PCDHGA5: variants seen among roughly 807,000 people sequenced by gnomAD.
The protein encoded by PCDHGA5 is protocadherin gamma-A5.
PCDHGA5 carries 36 observed loss-of-function variants against 56.7 expected under a neutral mutation model. That is an observed-to-expected ratio of 0.64 (90% confidence interval 0.49 to 0.84). The LOEUF (loss-of-function observed/expected upper bound fraction) is 0.84, where lower values mean the gene tolerates loss of function less well. PCDHGA5 is among the 40% of genes least tolerant of loss of function. PCDHGA5 has a pLI of 0.00. For synonymous variants in PCDHGA5, 563 were observed against 520.2 expected (o/e 1.08, Z -1.12); for missense variants, 1,305 against 1,201.5 (o/e 1.09, Z -1.27).
At chr5:141,413,623 G>A (rs1454358985) in intron 1 of PCDHGA5, 2 of 1,613,752 alleles carry the variant, frequency 1.2e-6, no homozygotes, top group African/African-American at 1.3e-5. Flanking sequence ...TAATGAAAAT[G>A]TCGCTGCGGG....
Position 141,490,225 on chromosome 5 carries a change from G to A in PCDHGA5, c.2422-4582G>A, listed in dbSNP as rs2099697468. On this transcript the variant is annotated intron_variant, in intron 1 of 3. Coordinates refer to ENST00000518069, the MANE Select transcript of PCDHGA5 (RefSeq NM_018918.3). This position sits in a 1 kb window ranked among gnomAD's most constrained non-coding sequence, Gnocchi z 5.4. The stretch of plus-strand genomic sequence containing the variant: ...AAGAGCCCGTGACCAGGGACAGCCT[G>A]CCATGGAGGGCCACTGTGTGATTCA... The A allele has an allele frequency of 6.2e-7, 1 of 1,614,112 alleles. No homozygotes were observed. The highest frequency in any genetic ancestry group is 1.1e-5 in the South Asian group (1 of 91,090).
intron 1 of PCDHGA5, among the ~76,000 whole-genome samples, chr5:141,446,868 C>T (rs980547855): frequency 6.6e-6 from 1 of 152,160 alleles, no homozygotes; most frequent in Non-Finnish European, 1.5e-5. Flanking sequence ...TAGCTCTACA[C>T]TGGTATGTTT....
chr5:141,389,721 G>C (rs1477842058), intron 1 of PCDHGA5: 7 of 1,612,620 alleles, frequency 4.3e-6, no homozygotes, highest in Non-Finnish European at 5.1e-6. Context: ...TAGCGAGCCC[G>C]GGCTCTTCAG....
chr5:141,374,884 C>T (rs1770914347), intron 1 of PCDHGA5: 1 of 1,613,714 alleles, frequency 6.2e-7, no homozygotes, highest in African/African-American at 1.3e-5. Context: ...TGACTGCCAC[C>T]GACCAGGATG....
Position 141,501,330 on chromosome 5 carries a change from CA to C in PCDHGA5, c.2481-4062del, listed in dbSNP as rs1562200936. 1.8e-3 allele frequency among the ~76,000 whole-genome samples: 266 copies of C among 151,500 alleles called. 1 individual carries two copies. Among genetic ancestry groups the C allele is most frequent in the African/African-American group, 5.1e-3 (210 of 41,250 alleles). On this transcript the variant is annotated intron_variant, in intron 2 of 3. Transcript: ENST00000518069. ...ACACACACACACACACACACACACACACACCCCAAACTCAATAGGGCAAGAA... is the reference window on the plus strand; with the variant it reads ...ACACACACACACACACACACACACACCACCCCAAACTCAATAGGGCAAGAA...
chr5:141,364,982 G>A lies in PCDHGA5; in HGVS notation c.652G>A (p.Gly218Arg), dbSNP rs745559474. ...CCTCCTCCTCACAGCTTTAGATGGC[G>A]GAGACCCGGTACTCTCCGGCACCAC... ...HDLLLTALDGGDPVLSGTTHI... is the reference protein window; with the variant it reads ...HDLLLTALDGRDPVLSGTTHI... The change falls in exon 1 of 4, where the codon GGA (glycine) becomes AGA (arginine). Residue 218 changes from glycine to arginine, a missense_variant. Transcript: ENST00000518069. 6.2e-7 allele frequency: 1 copy of A among 1,613,868 alleles called. No individual in the cohort carries two copies. The highest frequency in any genetic ancestry group is 1.1e-5 in the South Asian group (1 of 91,080).
At chr5:141,465,186 G>T (rs2099098546) in intron 1 of PCDHGA5, among the ~76,000 whole-genome samples, 1 of 151,852 alleles carries the variant, frequency 6.6e-6, no homozygotes, top group African/African-American at 2.4e-5. Flanking sequence ...TTAATTAAAA[G>T]ATAAAAATAA....
At position 141,491,692 on chromosome 5, in the gene PCDHGA5, C is replaced by A. The variant is rs749349869; in HGVS notation, c.2422-3115C>A. The A allele has an allele frequency of 6.2e-7, 1 of 1,612,592 alleles. No homozygotes were observed. Among genetic ancestry groups the A allele is most frequent in the Non-Finnish European group, 8.5e-7 (1 of 1,179,338 alleles). On this transcript the variant is annotated intron_variant, in intron 1 of 3. Coordinates refer to ENST00000518069, the MANE Select transcript of PCDHGA5 (RefSeq NM_018918.3). This position sits in a 1 kb window ranked among gnomAD's most constrained non-coding sequence, Gnocchi z 6.9. ...GTCCCGCTCTAATACGCTGCGGGAG[C>A]GGAGCCAGGTGAGGGGCTCGGCGCC...
chr5:141,402,110 T>G (rs900421956), intron 1 of PCDHGA5, among the ~76,000 whole-genome samples: 1 of 152,150 alleles, frequency 6.6e-6, no homozygotes, highest in Admixed American at 6.5e-5. Context: ...ATTACAAAAA[T>G]GTGAAAATTT....
intron 1 of PCDHGA5, chr5:141,373,906 A>G: frequency 1.7e-6 from 1 of 604,222 alleles, no homozygotes; most frequent in Admixed American, 3.7e-5. Context: ...ACATCCTCCA[A>G]CAACAAAGCA....
chr5:141,409,844 C>G (rs1380163040), intron 1 of PCDHGA5: 3 of 1,611,858 alleles, frequency 1.9e-6, no homozygotes, highest in East Asian at 4.5e-5. Flanking sequence ...CAACGTGAGC[C>G]TGCGCGTGTT....
Position 141,365,445 on chromosome 5 carries a change from A to G in PCDHGA5, c.1115A>G (p.His372Arg), listed in dbSNP as rs774993961. The change falls in exon 1 of 4, where the codon CAT becomes CGT. Residue 372 changes from histidine (H) to arginine (R), a missense_variant. By Grantham distance (29) the His-to-Arg change is conservative (BLOSUM62 0). Coordinates refer to ENST00000518069, the MANE Select transcript of PCDHGA5 (RefSeq NM_018918.3). The stretch of plus-strand genomic sequence containing the variant: ...ACTGTAATCGCGCTGTTTAGCGTAC[A>G]TGATGGTGATTCTGGAGAAAATGGT... ...PGTVIALFSV[H>R]DGDSGENGEI... The G allele has an allele frequency of 1.9e-6, 3 of 1,613,936 alleles. No individual in the cohort carries two copies. The highest frequency in any genetic ancestry group is 2.5e-6 in the Non-Finnish European group (3 of 1,179,910).
At chr5:141,393,639 A>G in intron 1 of PCDHGA5, 1 of 1,613,964 alleles carries the variant, frequency 6.2e-7, no homozygotes, top group Non-Finnish European at 8.5e-7. Context: ...AATCAACGGA[A>G]AAGTGGCATA....
In PCDHGA5 at chr5:141,366,586, C is replaced by T; in HGVS notation, c.2256C>T (p.Thr752=). 1 of 1,614,262 alleles carries T rather than the reference C, an allele frequency of 6.2e-7. No individual in the cohort carries two copies. The highest frequency in any genetic ancestry group is 8.5e-7 in the Non-Finnish European group (1 of 1,180,052). Residue 752 remains threonine (T), a synonymous_variant, in exon 1 of 4, where the codon ACC becomes ACT. Coordinates refer to ENST00000518069, the MANE Select transcript of PCDHGA5 (RefSeq NM_018918.3). ...GVDGVRAFLQ[T]YSHEVSLTAD... The stretch of plus-strand genomic sequence containing the variant: ...ATGGGGTTCGGGCTTTCCTGCAGAC[C>T]TATTCCCACGAGGTCTCCCTCACCG...
At chr5:141,441,404 C>T (rs1231257776) in intron 1 of PCDHGA5, 1 of 155,262 alleles carries the variant, frequency 6.4e-6, no homozygotes, top group Admixed American at 6.5e-5. Context: ...ATCAGCATCA[C>T]TGCCACTGAC....
chr5:141,492,079 G>C (rs1400390407), intron 1 of PCDHGA5: 3 of 486,286 alleles, frequency 6.2e-6, no homozygotes, highest in South Asian at 4.1e-5. Flanking sequence ...CGCCGGCTCC[G>C]GCACGCTTCG....
intron 1 of PCDHGA5, among the ~76,000 whole-genome samples, chr5:141,458,298 A>G (rs2098942125): frequency 6.6e-6 from 1 of 152,178 alleles, no homozygotes; most frequent in African/African-American, 2.4e-5. Context: ...ATGCTGGTTT[A>G]GATAAAATGA....
Position 141,476,645 on chromosome 5 carries a change from A to C in PCDHGA5, c.2422-18162A>C. 1 of 1,614,246 alleles carries C rather than the reference A, an allele frequency of 6.2e-7. No homozygotes were observed. The highest frequency in any genetic ancestry group is 8.5e-7 in the Non-Finnish European group (1 of 1,180,052). On this transcript the variant is annotated intron_variant, in intron 1 of 3. Coordinates refer to ENST00000518069, the MANE Select transcript of PCDHGA5 (RefSeq NM_018918.3). The surrounding 1 kb of genome is among the most constrained non-coding windows in gnomAD (Gnocchi z 7.6). ...TTTACAAACCTATGAGCTGAGCCGA[A>C]ATGAATACTTTGCGCTTCGCGTGCA...
intron 1 of PCDHGA5, among the ~76,000 whole-genome samples, chr5:141,473,195 C>G (rs1053769499): frequency 6.6e-6 from 1 of 152,104 alleles, no homozygotes; most frequent in Non-Finnish European, 1.5e-5. Flanking sequence ...GTAAATGTAT[C>G]TTCTAAAAAA....
Sources: gnomAD v4.1 joint callset for allele counts (sites outside exome capture counted in the v4.1 genomes callset) on GRCh38, gnomAD v4.1.1 for gene constraint, Gnocchi (gnomAD v3.1) non-coding constraint, MANE v1.5 for transcripts, NCBI Gene and HGNC (gene_info 2026-07-23, HGNC 2026-07-21) for gene names.